CLSTN1: variants seen among roughly 807,000 people sequenced by gnomAD.
The protein encoded by CLSTN1 is calsyntenin 1, also known as calsyntenin-1.
In CLSTN1, 28 loss-of-function variants were observed where a neutral mutation model predicts 108.3. The ratio of observed to expected loss-of-function variants is 0.26; its 90% CI spans 0.19 to 0.35. CLSTN1 has a LOEUF of 0.35. Among genes scored for constraint, CLSTN1 ranks in the 10% least tolerant of loss-of-function variants. The pLI, the probability that CLSTN1 is intolerant of heterozygous loss-of-function variation, is 1.00. For synonymous variants in CLSTN1, 524 were observed against 534.9 expected, an observed-to-expected ratio of 0.98 and a Z score of 0.28; for missense variants, 1,157 against 1,302.6, an observed-to-expected ratio of 0.89 and a Z score of 1.72.
intron 1 of CLSTN1, among the ~76,000 whole-genome samples, chr1:9,796,820 G>T (rs1233909389): frequency 6.6e-6 from 1 of 152,184 alleles, no homozygotes. Flanking sequence ...TACTTGGTTG[G>T]CTCTGTTCAA....
At chr1:9,796,781 C>T (rs1240127829) in intron 1 of CLSTN1, among the ~76,000 whole-genome samples, 2 of 152,174 alleles carry the variant, frequency 1.3e-5, no homozygotes, top group South Asian at 2.1e-4. Flanking sequence ...AAACCTGCAA[C>T]GGCCTCTGGT....
intron 1 of CLSTN1, among the ~76,000 whole-genome samples, chr1:9,822,040 C>A (rs1011574264): frequency 4.6e-5 from 7 of 152,136 alleles, no homozygotes; most frequent in Non-Finnish European, 1.0e-4. Context: ...AAGAAAGCAC[C>A]AATTTTAACA....
chr1:9,733,709 C>A (rs1164182127), intron 15 of CLSTN1, among the ~76,000 whole-genome samples, 163 bp from the exon 16 acceptor site: 1 of 152,214 alleles, frequency 6.6e-6, no homozygotes, highest in African/African-American at 2.4e-5. Context: ...GCAATGTGCA[C>A]AGGGGCATTC....
At chr1:9,820,978 G>A (rs924297602) in intron 1 of CLSTN1, among the ~76,000 whole-genome samples, 1 of 152,156 alleles carries the variant, frequency 6.6e-6, no homozygotes, top group Admixed American at 6.6e-5. Context: ...AAGTGGCTTC[G>A]AAATGCATTA....
At chr1:9,802,998 A>G (rs1191500684) in intron 1 of CLSTN1, among the ~76,000 whole-genome samples, 1 of 151,628 alleles carries the variant, frequency 6.6e-6, no homozygotes, top group Non-Finnish European at 1.5e-5. Context: ...GTAATTTTTT[A>G]TTTTTTGTAG....
intron 2 of CLSTN1, among the ~76,000 whole-genome samples, chr1:9,768,172 G>A (rs962051380): frequency 9.9e-5 from 15 of 152,146 alleles, no homozygotes; most frequent in South Asian, 4.1e-4. Flanking sequence ...AGTCTCATAG[G>A]GTCCTGTTCT....
intron 9 of CLSTN1, 66 bp downstream of exon 9, chr1:9,743,818 A>G: frequency 6.4e-7 from 1 of 1,573,500 alleles, no homozygotes; most frequent in Non-Finnish European, 8.7e-7. Context: ...CCAGCCTCCC[A>G]AAGTGCTGGG....
Position 9,737,518 on chromosome 1 carries a change from G to A in CLSTN1, c.1556C>T (p.Pro519Leu), listed in dbSNP as rs146242353. The change falls in exon 11 of 19, where the codon CCT becomes CTT. Residue 519 changes from proline (P) to leucine (L), a missense_variant. Coordinates refer to ENST00000377298, the MANE Select transcript of CLSTN1 (RefSeq NM_001009566.3). The part of the protein sequence containing the change: ...SGVENDNETE[P>L]VTVASAGGDL... ...GCAACCTGCAGAGGCCACAGTCACA[G>A]GCTCAGTTTCATTGTCATTTTCAAC... 1.2e-6 allele frequency: 2 copies of A among 1,614,144 alleles called. No homozygotes were observed. The highest frequency in any genetic ancestry group is 8.5e-7 in the Non-Finnish European group (1 of 1,179,982).
rs1348109604 is a variant in CLSTN1, at chr1:9,734,105, G to A, written c.2148C>T (p.Asp716=). Residue 716 remains aspartate (D), a synonymous_variant, in exon 15 of 19, where the codon GAC becomes GAT. Transcript: ENST00000377298. This position sits in a 1 kb window ranked among gnomAD's most constrained non-coding sequence, Gnocchi z 4.8. ...ESLVSEEIVH[D]LDTCEVTVEG... ...CCACCGTGACCTCACAGGTATCCAG[G>A]TCGTGCACGATCTCCTCGGACACCA... is the stretch of plus-strand genomic sequence containing the variant. The A allele has an allele frequency of 1.9e-6, 3 of 1,614,034 alleles. No individual in the cohort carries two copies. The highest frequency in any genetic ancestry group is 2.5e-6 in the Non-Finnish European group (3 of 1,180,038).
Position 9,817,121 on chromosome 1 carries a change from C to T in CLSTN1, c.91+6522G>A, listed in dbSNP as rs117272915. Among the ~76,000 whole-genome samples, 637 of 152,282 alleles carry T rather than the reference C, an allele frequency of 4.2e-3. 12 individuals are homozygous for T. The East Asian group carries it at 0.043, about 10-fold the overall frequency. ...GTAGCTCATACCTATAATCTCGGCT[C>T]TTTGAGAGGATGAGGTGGGAGGACT... On this transcript the variant is annotated intron_variant, in intron 1 of 18. Coordinates refer to ENST00000377298, the MANE Select transcript of CLSTN1 (RefSeq NM_001009566.3).
At chr1:9,744,246 G>A (rs1195916151) in intron 8 of CLSTN1, 149 bp downstream of exon 8, 12 of 1,256,800 alleles carry the variant, frequency 9.5e-6, no homozygotes, top group African/African-American at 9.0e-5. Flanking sequence ...GTGGCTCTAG[G>A]GAACCAAGTG....
At chr1:9,806,601 C>T (rs1404300150) in intron 1 of CLSTN1, among the ~76,000 whole-genome samples, 2 of 152,018 alleles carry the variant, frequency 1.3e-5, no homozygotes, top group African/African-American at 2.4e-5. Flanking sequence ...GACACGAGGC[C>T]GGGCGCGGTG....
At chr1:9,809,194 C>A (rs1373602599) in intron 1 of CLSTN1, among the ~76,000 whole-genome samples, 1 of 152,208 alleles carries the variant, frequency 6.6e-6, no homozygotes, top group Middle Eastern at 3.2e-3. Context: ...CCTCCCAGAG[C>A]CCTCCCTGAG....
chr1:9,735,178 C>A lies in CLSTN1; in HGVS notation c.1884-4G>T. On this transcript the variant is annotated splice_region_variant and splice_polypyrimidine_tract_variant and intron_variant, in intron 13 of 18. Transcript: ENST00000377298. Reference sequence around the variant, plus strand: ...GCAGGTGGCCTCGTTAAAACACCTGCCAGCAAGAAATGGGGAAGGGTCAGG... The same window carrying A: ...GCAGGTGGCCTCGTTAAAACACCTGACAGCAAGAAATGGGGAAGGGTCAGG... 1 of 1,613,878 alleles carries A rather than the reference C, an allele frequency of 6.2e-7. No homozygotes were observed. The highest frequency in any genetic ancestry group is 8.5e-7 in the Non-Finnish European group (1 of 1,179,806).
intron 1 of CLSTN1, among the ~76,000 whole-genome samples, chr1:9,820,561 A>C (rs1372025487): frequency 1.3e-5 from 2 of 152,106 alleles, no homozygotes; most frequent in Non-Finnish European, 2.9e-5. Context: ...TTTGCTTTAC[A>C]CTATGTAATT....
chr1:9,800,557 GAAAAAAA>G (rs55929301), intron 1 of CLSTN1, among the ~76,000 whole-genome samples: 46 of 77,322 alleles, frequency 5.9e-4, no homozygotes, highest in East Asian at 2.2e-3. Context: ...GTCTCCACTA[GAAAAAAA>G]AAAAAAAAAA....
intron 1 of CLSTN1, among the ~76,000 whole-genome samples, chr1:9,816,846 C>T (rs1654993634): frequency 6.6e-6 from 1 of 152,166 alleles, no homozygotes; most frequent in Non-Finnish European, 1.5e-5. Flanking sequence ...GGGGTTTCTC[C>T]ACATTGGTCA....
At chr1:9,817,349 C>T (rs976570075) in intron 1 of CLSTN1, among the ~76,000 whole-genome samples, 25 of 151,876 alleles carry the variant, frequency 1.6e-4, no homozygotes, top group Non-Finnish European at 2.5e-4. Flanking sequence ...TTTTTTGAGA[C>T]GGAGTTTTGC....
At chr1:9,733,621 C>T (rs1349352752) in intron 15 of CLSTN1, 75 bp from the exon 16 acceptor site, 5 of 1,568,246 alleles carry the variant, frequency 3.2e-6, no homozygotes, top group South Asian at 1.1e-5. Flanking sequence ...GCCGTCAGCA[C>T]AGGCAGGCTC....
Sources: gnomAD v4.1 joint callset for allele counts (sites outside exome capture counted in the v4.1 genomes callset) on GRCh38, gnomAD v4.1.1 for gene constraint, Gnocchi (gnomAD v3.1) non-coding constraint, MANE v1.5 for transcripts, NCBI Gene and HGNC (gene_info 2026-07-23, HGNC 2026-07-21) for gene names.